Variants in PPP6R2 observed in about 807,000 individuals in gnomAD.
The protein encoded by PPP6R2 is protein phosphatase 6 regulatory subunit 2.
Under a neutral mutation model 100.2 loss-of-function variants are expected in PPP6R2, and 62 were observed. The observed-to-expected ratio is 0.62, with a 90% CI of 0.50 to 0.76. The LOEUF (loss-of-function observed/expected upper bound fraction) is 0.76. Among genes scored for constraint, PPP6R2 ranks in the 30% least tolerant of loss-of-function variants. The pLI, the probability that PPP6R2 is intolerant of heterozygous loss-of-function variation, is 0.00. For synonymous variants in PPP6R2, 525 were observed against 514.7 expected, an observed-to-expected ratio of 1.02 and a Z score of -0.27; for missense variants, 1,142 against 1,276.3, an observed-to-expected ratio of 0.89 and a Z score of 1.60.
intron 8 of PPP6R2, among the ~76,000 whole-genome samples, chr22:50,421,406 G>A (rs533945012): frequency 6.6e-6 from 1 of 152,262 alleles, no homozygotes; most frequent in South Asian, 2.1e-4. Context: ...ACAGCAGCAC[G>A]ATCATATCTC....
intron 1 of PPP6R2, among the ~76,000 whole-genome samples, chr22:50,351,800 AT>A (rs749633189): frequency 1.1e-4 from 16 of 145,242 alleles, no homozygotes; most frequent in African/African-American, 1.3e-4. Flanking sequence ...TACCCAGCTA[AT>A]TTTTTTTTTT....
Position 50,419,452 on chromosome 22 carries a change from A to G in PPP6R2, c.835A>G (p.Arg279Gly). The G allele has an allele frequency of 6.2e-7, 1 of 1,613,958 alleles. No homozygotes were observed. Among genetic ancestry groups the G allele is most frequent in the Non-Finnish European group, 8.5e-7 (1 of 1,179,858 alleles). ...GGTGTTACTCACCTTGCTGGAAACC[A>G]GGCGGGTTGGGTGAGTCTCACGAGG... ...TQVLLTLLET[R>G]RVGTEGLVDS... The change falls in exon 8 of 24, where the codon AGG (arginine) becomes GGG (glycine). Residue 279 changes from arginine (R) to glycine (G), a missense_variant. Arg to Gly is a moderately radical substitution (Grantham distance 125). Transcript: ENST00000612753.
intron 2 of PPP6R2, among the ~76,000 whole-genome samples, chr22:50,385,670 T>G (rs1037556639): frequency 1.4e-5 from 2 of 142,142 alleles, no homozygotes; most frequent in African/African-American, 2.6e-5. Flanking sequence ...CACCTGCCAC[T>G]ATGCCTGGCT....
chr22:50,416,115 C>T lies in PPP6R2; in HGVS notation c.576C>T (p.Ile192=). The stretch of plus-strand genomic sequence containing the variant: ...AGTGGCTGAATGAAGAGAAGGTCAT[C>T]CAGAGGCTTGTGGAGTTGATCCACC... ...VLHWLNEEKV[I]QRLVELIHPS... Residue 192 remains isoleucine, a synonymous_variant, in exon 6 of 24, where the codon ATC becomes ATT. Coordinates refer to ENST00000612753, the MANE Select transcript of PPP6R2 (RefSeq NM_001242898.2). 1 of 1,613,756 alleles carries T rather than the reference C, an allele frequency of 6.2e-7. No individual in the cohort carries two copies. The highest frequency in any genetic ancestry group is 2.2e-5 in the East Asian group (1 of 44,872).
chr22:50,407,969 A>G (rs2059208022), intron 4 of PPP6R2, among the ~76,000 whole-genome samples: 1 of 152,024 alleles, frequency 6.6e-6, no homozygotes, highest in African/African-American at 2.4e-5. Context: ...TGCAGTCTCA[A>G]CCTCCTCAAG....
At chr22:50,392,340 G>GAA (rs34539629) in intron 2 of PPP6R2, among the ~76,000 whole-genome samples, 136 of 117,594 alleles carry the variant, frequency 1.2e-3, no homozygotes, top group African/African-American at 3.5e-3. Flanking sequence ...TGTCTCTACA[G>GAA]AAAAAAAAAA....
At chr22:50,339,025 GTGGT>G (rs1430482047), upstream of PPP6R2, among the ~76,000 whole-genome samples, 9 of 133,806 alleles carry the variant, frequency 6.7e-5, no homozygotes, top group South Asian at 4.9e-4. Context: ...GTGTGTGTGT[GTGGT>G]GTGTGTGTGT....
the PPP6R2 span, among the ~76,000 whole-genome samples, chr22:50,338,123 G>A: frequency 7.9e-3 from 1,074 of 135,278 alleles, 12 homozygotes; most frequent in African/African-American, 0.028. Context: ...GTGTGTGCAT[G>A]TGCGTGCATG....
At chr22:50,335,222 T>TC in the PPP6R2 span, among the ~76,000 whole-genome samples, 1 of 145,038 alleles carries the variant, frequency 6.9e-6, no homozygotes, top group East Asian at 2.1e-4. Context: ...CGGCTAATTT[T>TC]TTTTTTTTTT....
At chr22:50,352,038 G>A (rs1171999754) in intron 1 of PPP6R2, among the ~76,000 whole-genome samples, 2 of 151,540 alleles carry the variant, frequency 1.3e-5, no homozygotes, top group Non-Finnish European at 2.9e-5. Context: ...CTCATGATCC[G>A]CCTGCCTCGG....
At chr22:50,410,357 G>C (rs949577572) in intron 4 of PPP6R2, among the ~76,000 whole-genome samples, 47 of 152,058 alleles carry the variant, frequency 3.1e-4, no homozygotes, top group African/African-American at 1.1e-3. Context: ...GGTAGCTCAG[G>C]CTACTTTGAT....
chr22:50,427,519 A>T (rs116486105), intron 10 of PPP6R2, among the ~76,000 whole-genome samples: 1 of 152,198 alleles, frequency 6.6e-6, no homozygotes. Flanking sequence ...TAAGTCTTCA[A>T]TCCATGAACA....
rs749271948 is a variant in PPP6R2, at chr22:50,437,111, G to A, written c.1683+43G>A. ...ACCTGCACCCTGCCGGGCCCTTCCC[G>A]GCACCTGTGTGCGCTGCGCTTGGTC... On this transcript the variant is annotated intron_variant, in intron 15 of 23. Coordinates refer to ENST00000612753, the MANE Select transcript of PPP6R2 (RefSeq NM_001242898.2). 5.5e-5 allele frequency: 83 copies of A among 1,511,488 alleles called. 1 individual carries two copies. In the East Asian group the frequency reaches 1.2e-3, roughly 22 times the overall value. 93.6% of individuals were successfully genotyped at this position (1,511,488 alleles called of 1,614,324 possible). A position where few individuals can be genotyped will look rare whatever the true frequency, so the allele number is the denominator to read the frequency against.
chr22:50,347,713 G>A (rs2044109259), intron 1 of PPP6R2, among the ~76,000 whole-genome samples: 1 of 152,048 alleles, frequency 6.6e-6, no homozygotes, highest in Non-Finnish European at 1.5e-5. Flanking sequence ...TGTACCCACT[G>A]ATTTTGTTCT....
rs57447654 is a variant in PPP6R2 at position 50,404,599 on chromosome 22, G to GTTT, written c.228-2074_228-2072dup. Among the ~76,000 whole-genome samples, 155 of 120,166 alleles carry GTTT rather than the reference G, an allele frequency of 1.3e-3. 1 individual carries two copies. The highest frequency in any genetic ancestry group is 4.6e-3 in the African/African-American group (145 of 31,230). The allele number at this position is 120,166 out of a possible 152,430, so 78.8% of individuals were successfully genotyped here. On this transcript the variant is annotated intron_variant, in intron 3 of 23. Transcript: ENST00000612753. ...CCTGGCTAATTTTTCTTTCTTTCTT[G>GTTT]TTTTTTTTTTTTTTTTTTGGAGAGA...
chr22:50,407,721 A>G (rs1034653289), intron 4 of PPP6R2, among the ~76,000 whole-genome samples: 1 of 152,130 alleles, frequency 6.6e-6, no homozygotes, highest in African/African-American at 2.4e-5. Flanking sequence ...CAGGCTGTGG[A>G]CACACAGGTA....
intron 1 of PPP6R2, among the ~76,000 whole-genome samples, chr22:50,371,143 T>G (rs923732955): frequency 3.9e-5 from 6 of 152,154 alleles, no homozygotes; most frequent in Non-Finnish European, 5.9e-5. Context: ...ATCCTACAAA[T>G]TATTAAATAC....
chr22:50,338,289 G>GGTGTGTA, the PPP6R2 span, among the ~76,000 whole-genome samples: 1 of 140,304 alleles, frequency 7.1e-6, no homozygotes, highest in Non-Finnish European at 1.6e-5. Flanking sequence ...GTGTGTTTGT[G>GGTGTGTA]GTGTGTAGTG....
rs577469836 is a variant in PPP6R2, at chr22:50,398,598, C to T, written c.227+4463C>T. ...TGGCGCGATCTTGGCTCACTGCAAC[C>T]TCCGCCTCCTGGGTTCAAGCAGTTC... On this transcript the variant is annotated intron_variant, in intron 3 of 23. Transcript: ENST00000612753. 2.4e-3 allele frequency among the ~76,000 whole-genome samples: 358 copies of T among 151,296 alleles called. 1 individual carries two copies. The highest frequency in any genetic ancestry group is 3.9e-3 in the Non-Finnish European group (264 of 67,870).
Sources: gnomAD v4.1 joint callset for allele counts (sites outside exome capture counted in the v4.1 genomes callset) on GRCh38, gnomAD v4.1.1 for gene constraint, MANE v1.5 for transcripts, NCBI Gene and HGNC (gene_info 2026-07-23, HGNC 2026-07-21) for gene names.